Variants in SLC12A6 observed in about 807,000 individuals in gnomAD.
The protein encoded by SLC12A6 is solute carrier family 12 member 6, also known as K-Cl cotransporter 3.
In SLC12A6, 66 loss-of-function variants were observed where a neutral mutation model predicts 135.3. That is an observed-to-expected ratio of 0.49 (90% CI 0.40 to 0.60). SLC12A6 has a LOEUF of 0.60. Among genes scored for constraint, SLC12A6 ranks in the 20% least tolerant of loss-of-function variants. The pLI, the probability that SLC12A6 is intolerant of heterozygous loss-of-function variation, is 0.00. For missense variants in SLC12A6, 1,058 were observed against 1,452.3 expected (o/e 0.73, Z 4.41); for synonymous variants, 513 against 508.8 (o/e 1.01, Z -0.11).
At chr15:34,247,547 AC>A (rs1390145755) in intron 13 of SLC12A6, among the ~76,000 whole-genome samples, 1 of 152,088 alleles carries the variant, frequency 6.6e-6, no homozygotes, top group African/African-American at 2.4e-5. Context: ...GTGCAAAAAA[AC>A]AACAAATGCA....
chr15:34,294,658 C>G (rs1329361721), intron 2 of SLC12A6, among the ~76,000 whole-genome samples: 1 of 152,058 alleles, frequency 6.6e-6, no homozygotes. Context: ...ATCTTCAACT[C>G]CTGGGCTCAA....
intron 3 of SLC12A6, among the ~76,000 whole-genome samples, chr15:34,275,065 T>C (rs1244046537): frequency 1.3e-5 from 2 of 152,212 alleles, no homozygotes; most frequent in Non-Finnish European, 2.9e-5. Flanking sequence ...TAATATCTTC[T>C]TTTCCAAATT....
At chr15:34,248,409 T>C (rs914286493) in intron 13 of SLC12A6, among the ~76,000 whole-genome samples, 107 of 152,166 alleles carry the variant, frequency 7.0e-4, no homozygotes, top group African/African-American at 2.5e-3. Context: ...TGTTCAACTT[T>C]AGGAGATAAT....
chr15:34,273,881 T>C (rs78526123), intron 3 of SLC12A6, among the ~76,000 whole-genome samples: 3,631 of 151,630 alleles, frequency 0.024, 150 homozygotes, highest in African/African-American at 0.084. Flanking sequence ...TAATAATACC[T>C]GTTTTTTTTT....
chr15:34,290,228 G>A (rs1364958647), intron 2 of SLC12A6, among the ~76,000 whole-genome samples: 5 of 152,052 alleles, frequency 3.3e-5, no homozygotes, highest in Non-Finnish European at 5.9e-5. Flanking sequence ...CCTTCATTTC[G>A]TTATTTACCC....
At chr15:34,294,131 A>G (rs1895722671) in intron 2 of SLC12A6, among the ~76,000 whole-genome samples, 1 of 152,232 alleles carries the variant, frequency 6.6e-6, no homozygotes, top group Non-Finnish European at 1.5e-5. Context: ...ACTTTGGTTT[A>G]AAGATACTTA....
At chr15:34,320,916 T>TAAATAAAATA (rs1555390854) in intron 2 of SLC12A6, among the ~76,000 whole-genome samples, 3 of 144,790 alleles carry the variant, frequency 2.1e-5, no homozygotes, top group African/African-American at 7.9e-5. Flanking sequence ...TCAAAAAAAA[T>TAAATAAAATA]AAATACAATA....
chr15:34,257,694 C>T lies in SLC12A6; in HGVS notation c.638G>A (p.Gly213Asp), dbSNP rs1369920135. 1 of 1,612,442 alleles carries T rather than the reference C, an allele frequency of 6.2e-7. No homozygotes were observed. The highest frequency in any genetic ancestry group is 1.1e-5 in the South Asian group (1 of 91,042). Residue 213 changes from glycine to aspartate, a missense_variant, in exon 6 of 26, where the codon GGC (glycine) becomes GAC (aspartate). This residue lies in a region of SLC12A6 where 139 missense variants were observed against 202.2 expected (regional missense o/e 0.69). Transcript: ENST00000354181. ...AAAAGCCTGAAGAACTCCAGCTGTG[C>T]CCACCACCCATGTAAGGCGTAAAAA... ...ILFLRLTWVV[G>D]TAGVLQAFAI...
intron 3 of SLC12A6, among the ~76,000 whole-genome samples, chr15:34,269,844 A>G (rs907741958): frequency 1.1e-4 from 17 of 152,172 alleles, no homozygotes; most frequent in African/African-American, 3.9e-4. Context: ...CAGGAGGTAC[A>G]TGTCATTGTC....
At chr15:34,327,804 TTCTC>T (rs552678170) in intron 2 of SLC12A6, among the ~76,000 whole-genome samples, 25 of 152,310 alleles carry the variant, frequency 1.6e-4, no homozygotes, top group African/African-American at 5.1e-4. Context: ...GTGTTCTCTC[TTCTC>T]TCTTTTTTTA....
At chr15:34,331,962 C>T (rs1017408440) in intron 2 of SLC12A6, among the ~76,000 whole-genome samples, 1 of 152,126 alleles carries the variant, frequency 6.6e-6, no homozygotes, top group African/African-American at 2.4e-5. Flanking sequence ...CACTAGATCA[C>T]ATTACATGAG....
chr15:34,235,208 G>A lies in SLC12A6; in HGVS notation c.3334C>T (p.Pro1112Ser). ...KLVLLNMPGP[P>S]RNPEGDENYM... is the part of the protein sequence containing the mutation. Reference sequence around the variant, plus strand: ...TTTTCATCACCCTCAGGGTTTCGGGGTGGCCCTGGCATATTCAATAAAACC... The same window carrying A: ...TTTTCATCACCCTCAGGGTTTCGGGATGGCCCTGGCATATTCAATAAAACC... The change falls in exon 25 of 26, where the codon CCC becomes TCC. Residue 1112 changes from proline to serine, a missense_variant. Transcript: ENST00000354181. 1 of 1,614,072 alleles carries A rather than the reference G, an allele frequency of 6.2e-7. No homozygotes were observed. The highest frequency in any genetic ancestry group is 8.5e-7 in the Non-Finnish European group (1 of 1,179,926).
At chr15:34,306,965 C>T (rs1241642900) in intron 2 of SLC12A6, among the ~76,000 whole-genome samples, 1 of 152,102 alleles carries the variant, frequency 6.6e-6, no homozygotes, top group East Asian at 1.9e-4. Flanking sequence ...GAAATGCAAA[C>T]TAATTTGGTG....
intron 3 of SLC12A6, among the ~76,000 whole-genome samples, chr15:34,274,834 G>T (rs1894192594): frequency 6.6e-6 from 1 of 151,888 alleles, no homozygotes; most frequent in South Asian, 2.1e-4. Context: ...AGAAATTCTT[G>T]TCAAATTATG....
At chr15:34,295,586 T>C (rs1895825479) in intron 2 of SLC12A6, among the ~76,000 whole-genome samples, 1 of 152,212 alleles carries the variant, frequency 6.6e-6, no homozygotes, top group African/African-American at 2.4e-5. Flanking sequence ...GTTGAATTCT[T>C]AGCACTGATA....
chr15:34,249,528 C>T (rs1277250006), intron 13 of SLC12A6, among the ~76,000 whole-genome samples: 1 of 152,180 alleles, frequency 6.6e-6, no homozygotes, highest in East Asian at 1.9e-4. Context: ...CACTGCACCA[C>T]TGCACTGTAG....
At chr15:34,248,220 C>A (rs190508552) in intron 13 of SLC12A6, among the ~76,000 whole-genome samples, 134 of 151,924 alleles carry the variant, frequency 8.8e-4, no homozygotes, top group African/African-American at 3.0e-3. Flanking sequence ...TGGATTATTT[C>A]CAGGTTTTGG....
chr15:34,249,667 A>G (rs1393170292), intron 13 of SLC12A6, among the ~76,000 whole-genome samples: 1 of 152,192 alleles, frequency 6.6e-6, no homozygotes, highest in African/African-American at 2.4e-5. Context: ...ACAATTAGAT[A>G]CTTATCTCTC....
At chr15:34,257,891 A>G in intron 5 of SLC12A6, 103 bp from the exon 6 acceptor site, 2 of 748,764 alleles carry the variant, frequency 2.7e-6, no homozygotes, top group Non-Finnish European at 4.6e-6. Context: ...TTAACCTCCA[A>G]GCAGAAATCA....
Sources: gnomAD v4.1 joint callset for allele counts (sites outside exome capture counted in the v4.1 genomes callset) on GRCh38, gnomAD v4.1.1 for gene constraint, gnomAD v4.1.1 regional missense constraint, MANE v1.5 for transcripts, NCBI Gene and HGNC (gene_info 2026-07-23, HGNC 2026-07-21) for gene names.